Variants in GABBR2 observed in about 807,000 individuals in gnomAD.
GABBR2 encodes the protein gamma-aminobutyric acid type B receptor subunit 2.
In GABBR2, 23 loss-of-function variants were observed where a neutral mutation model predicts 105.6. The ratio of observed to expected loss-of-function variants is 0.22; its 90% confidence interval spans 0.16 to 0.31. The LOEUF is 0.31. Ranked by LOEUF, GABBR2 falls within the 10% of genes least tolerant of loss-of-function variation. GABBR2 has a pLI of 1.00. For synonymous variants in GABBR2, 478 were observed against 499.7 expected, an observed-to-expected ratio of 0.96 and a Z score of 0.58; for missense variants, 734 against 1,245.5, an observed-to-expected ratio of 0.59 and a Z score of 6.18.
intron 6 of GABBR2, 38 bp downstream of exon 6, chr9:98,473,108 G>A: frequency 1.4e-6 from 2 of 1,462,248 alleles, no homozygotes; most frequent in Non-Finnish European, 1.9e-6. Context: ...ATCAAAGGAG[G>A]TGGGCCAGAA....
intron 13 of GABBR2, among the ~76,000 whole-genome samples, chr9:98,312,263 C>A (rs930829631): frequency 6.6e-6 from 1 of 152,196 alleles, no homozygotes; most frequent in Non-Finnish European, 1.5e-5. Flanking sequence ...ACTTACGTGT[C>A]TTTGGTTTCC....
intron 13 of GABBR2, among the ~76,000 whole-genome samples, chr9:98,361,933 G>C (rs890620022): frequency 1.3e-5 from 2 of 152,186 alleles, no homozygotes; most frequent in African/African-American, 2.4e-5. Flanking sequence ...TGCATAGAAT[G>C]ACCATTTCTG....
intron 1 of GABBR2, among the ~76,000 whole-genome samples, chr9:98,665,910 AT>A (rs1830327293): frequency 6.6e-6 from 1 of 152,060 alleles, no homozygotes; most frequent in Non-Finnish European, 1.5e-5. Context: ...GAAGTGCTTT[AT>A]CTTGACTGTA....
At chr9:98,687,385 G>T (rs1830632855) in intron 1 of GABBR2, among the ~76,000 whole-genome samples, 2 of 152,220 alleles carry the variant, frequency 1.3e-5, no homozygotes, top group South Asian at 4.1e-4. Context: ...CGAGGAATTT[G>T]ATCAGATATC....
intron 1 of GABBR2, among the ~76,000 whole-genome samples, chr9:98,680,103 A>G (rs183429095): frequency 1.3e-5 from 2 of 152,302 alleles, no homozygotes; most frequent in East Asian, 3.9e-4. Context: ...GAGGGAAAAA[A>G]CATCTTTTCT....
chr9:98,433,523 A>G (rs1367895748), intron 7 of GABBR2, among the ~76,000 whole-genome samples: 1 of 152,158 alleles, frequency 6.6e-6, no homozygotes. Flanking sequence ...GTTAGGCAAT[A>G]TCCTATATGT....
intron 9 of GABBR2, among the ~76,000 whole-genome samples, chr9:98,392,914 C>T (rs1240909523): frequency 6.6e-6 from 1 of 151,770 alleles, no homozygotes; most frequent in Non-Finnish European, 1.5e-5. Flanking sequence ...TCTACACAGC[C>T]ATCCATCTGT....
chr9:98,656,562 C>T (rs1177150891), intron 1 of GABBR2, among the ~76,000 whole-genome samples: 3 of 152,174 alleles, frequency 2.0e-5, no homozygotes, highest in Non-Finnish European at 4.4e-5. Flanking sequence ...ACCAGGTTTA[C>T]GTACACTGAC....
Position 98,660,082 on chromosome 9 carries a change from C to A in GABBR2, c.321+48335G>T, listed in dbSNP as rs150581971. On this transcript the variant is annotated intron_variant, in intron 1 of 18. Transcript: ENST00000259455. ...ATAATTCCCTCATATTTTTCTATGTCAAAACTGGATACAGAAAACACTGTA... is the reference window on the plus strand; with the variant it reads ...ATAATTCCCTCATATTTTTCTATGTAAAAACTGGATACAGAAAACACTGTA... Among the ~76,000 whole-genome samples the A allele has an allele frequency of 4.5e-3, 678 of 152,100 alleles. 1 individual carries two copies. Among genetic ancestry groups the A allele is most frequent in the Non-Finnish European group, 7.4e-3 (503 of 67,992 alleles).
chr9:98,439,825 T>A (rs1294327103), intron 7 of GABBR2, among the ~76,000 whole-genome samples: 1 of 152,230 alleles, frequency 6.6e-6, no homozygotes, highest in African/African-American at 2.4e-5. Flanking sequence ...TTCCTTGTCA[T>A]CCTTGCACTA....
At chr9:98,325,825 TCA>T (rs370722480) in intron 13 of GABBR2, among the ~76,000 whole-genome samples, 1 of 152,004 alleles carries the variant, frequency 6.6e-6, no homozygotes, top group African/African-American at 2.4e-5. Context: ...CTTGCAATAG[TCA>T]CACACACACA....
intron 8 of GABBR2, among the ~76,000 whole-genome samples, chr9:98,398,168 C>T (rs1005585799): frequency 6.6e-6 from 1 of 152,174 alleles, no homozygotes; most frequent in South Asian, 2.1e-4. Flanking sequence ...TTGGTTCTGG[C>T]TCCAAATTGG....
chr9:98,538,605 C>T (rs940402224), intron 3 of GABBR2: 3 of 984,712 alleles, frequency 3.0e-6, no homozygotes, highest in Non-Finnish European at 3.6e-6. Context: ...TGGGATGGCC[C>T]TCAGCCTTCT....
intron 3 of GABBR2, among the ~76,000 whole-genome samples, chr9:98,523,965 C>G (rs1485434264): frequency 6.7e-6 from 1 of 150,170 alleles, no homozygotes; most frequent in Non-Finnish European, 1.5e-5. Context: ...ACTATCTAAT[C>G]AAGGGGAAAA....
At chr9:98,360,179 A>T (rs1831558285) in intron 13 of GABBR2, among the ~76,000 whole-genome samples, 1 of 152,118 alleles carries the variant, frequency 6.6e-6, no homozygotes, top group Admixed American at 6.5e-5. Flanking sequence ...TTCTGTTTGG[A>T]GATCCTGGAC....
intron 7 of GABBR2, among the ~76,000 whole-genome samples, chr9:98,420,211 C>T (rs1205761810): frequency 1.3e-5 from 2 of 152,198 alleles, no homozygotes; most frequent in Non-Finnish European, 2.9e-5. Flanking sequence ...ACCTGGCCCT[C>T]CTTGCCCCTC....
intron 6 of GABBR2, among the ~76,000 whole-genome samples, chr9:98,469,863 C>T (rs1057398540): frequency 5.9e-5 from 9 of 152,280 alleles, no homozygotes; most frequent in African/African-American, 1.2e-4. Flanking sequence ...TCATGGACAT[C>T]GATGGATCCC....
At chr9:98,441,093 A>G (rs1175447000) in intron 7 of GABBR2, among the ~76,000 whole-genome samples, 1 of 152,216 alleles carries the variant, frequency 6.6e-6, no homozygotes, top group African/African-American at 2.4e-5. Flanking sequence ...TATATTTTCA[A>G]CATGTAAAAA....
At chr9:98,585,653 T>TA (rs952661438) in intron 1 of GABBR2, among the ~76,000 whole-genome samples, 1 of 151,848 alleles carries the variant, frequency 6.6e-6, no homozygotes, top group African/African-American at 2.4e-5. Context: ...ATAATAAAAT[T>TA]AAAAAAATAT....
Sources: gnomAD v4.1 joint callset for allele counts (sites outside exome capture counted in the v4.1 genomes callset) on GRCh38, gnomAD v4.1.1 for gene constraint, MANE v1.5 for transcripts, NCBI Gene and HGNC (gene_info 2026-07-23, HGNC 2026-07-21) for gene names.